ANO2: variants seen among roughly 807,000 people sequenced by gnomAD.
ANO2 encodes anoctamin 2.
A neutral mutation model predicts 124.2 loss-of-function variants in ANO2; 101 were observed. That is an observed-to-expected ratio of 0.81 (90% CI 0.69 to 0.96). ANO2 has a LOEUF of 0.96. ANO2 is among the 40% of genes least tolerant of loss of function. ANO2 has a pLI of 0.00. For missense variants in ANO2, 1,293 were observed against 1,274.5 expected, an observed-to-expected ratio of 1.01 and a Z score of -0.22; for synonymous variants, 486 against 482.5, an observed-to-expected ratio of 1.01 and a Z score of -0.09.
intron 3 of ANO2, among the ~76,000 whole-genome samples, chr12:5,894,810 G>A (rs1368654318): frequency 6.6e-6 from 1 of 152,140 alleles, no homozygotes; most frequent in East Asian, 1.9e-4. Flanking sequence ...TAGATGGGTG[G>A]CGTTATTTCT....
intron 16 of ANO2, among the ~76,000 whole-genome samples, chr12:5,616,634 G>A (rs139278388): frequency 1.2e-4 from 19 of 152,238 alleles, no homozygotes; most frequent in Admixed American, 3.3e-4. Flanking sequence ...GGAGTTCTGC[G>A]TCCAGATGAG....
Position 5,769,805 on chromosome 12 carries a change from C to G in ANO2, c.1056-18835G>C, listed in dbSNP as rs1392514289. On this transcript the variant is annotated intron_variant, in intron 10 of 24. Transcript: ENST00000682330. The surrounding 1 kb of genome is among the most constrained non-coding windows in gnomAD (Gnocchi z 4.0). ...ATCCTCACAAGAATCTAAGTGGATACAGGTGTTTGCAAACAAATGGCTTGT... is the reference window on the plus strand; with the variant it reads ...ATCCTCACAAGAATCTAAGTGGATAGAGGTGTTTGCAAACAAATGGCTTGT... 6.6e-6 allele frequency among the ~76,000 whole-genome samples: 1 copy of G among 152,172 alleles called. No homozygotes were observed. Among genetic ancestry groups the G allele is most frequent in the Non-Finnish European group, 1.5e-5 (1 of 68,040 alleles).
chr12:5,842,883 C>T (rs1039377521), intron 4 of ANO2, among the ~76,000 whole-genome samples: 1 of 152,064 alleles, frequency 6.6e-6, no homozygotes, highest in South Asian at 2.1e-4. Flanking sequence ...ATTATTTTTT[C>T]TTATTTTTGA....
At chr12:5,842,863 G>C (rs552930488) in intron 4 of ANO2, among the ~76,000 whole-genome samples, 1 of 152,178 alleles carries the variant, frequency 6.6e-6, no homozygotes, top group South Asian at 2.1e-4. Flanking sequence ...GCAGCACTTA[G>C]GTACCACCAA....
At chr12:5,937,850 T>C (rs1942719048) in intron 1 of ANO2, among the ~76,000 whole-genome samples, 1 of 152,166 alleles carries the variant, frequency 6.6e-6, no homozygotes, top group Admixed American at 6.5e-5. Flanking sequence ...TCAGGGACCA[T>C]CCAGAGTAAA....
intron 23 of ANO2, among the ~76,000 whole-genome samples, chr12:5,571,506 C>G (rs1267122271): frequency 1.3e-5 from 2 of 152,162 alleles, no homozygotes; most frequent in South Asian, 4.1e-4. Flanking sequence ...ACATTTATCT[C>G]CAGAGGTCAC....
At chr12:5,672,196 C>A (rs936594217) in intron 14 of ANO2, among the ~76,000 whole-genome samples, 41 of 152,312 alleles carry the variant, frequency 2.7e-4, no homozygotes, top group Non-Finnish European at 5.3e-4. Context: ...AAGAGATAAT[C>A]AGCAGAGCAA....
chr12:5,852,054 A>C lies in ANO2; in HGVS notation c.633+1989T>G, dbSNP rs371075558. 4.3e-6 allele frequency: 3 copies of C among 703,100 alleles called. No homozygotes were observed. The African/African-American group carries it at 5.2e-5, about 12-fold the overall frequency. 43.6% of individuals were successfully genotyped at this position (703,100 alleles called of 1,614,324 possible). ...CATTACACATTCAGATAAACCAGAG[A>C]GAAAGGAGAATAATATATTGGAGTT... On this transcript the variant is annotated intron_variant, in intron 4 of 24. Transcript: ENST00000682330.
At chr12:5,744,062 A>T in intron 12 of ANO2, 95 bp downstream of exon 12, 2 of 1,481,474 alleles carry the variant, frequency 1.4e-6, no homozygotes, top group Non-Finnish European at 1.8e-6. Context: ...AAAATGCGAA[A>T]GTAAGTAACC....
intron 1 of ANO2, among the ~76,000 whole-genome samples, chr12:5,926,784 G>A (rs933930713): frequency 6.6e-6 from 1 of 152,200 alleles, no homozygotes; most frequent in African/African-American, 2.4e-5. Flanking sequence ...AGGATTGGGA[G>A]GAGGTGCAGG....
At chr12:5,736,471 A>T (rs1234164575) in intron 13 of ANO2, among the ~76,000 whole-genome samples, 1 of 152,210 alleles carries the variant, frequency 6.6e-6, no homozygotes, top group African/African-American at 2.4e-5. Context: ...ACTCGCAAGC[A>T]TTCCTGATAC....
At chr12:5,785,209 G>C (rs1004896339) in intron 10 of ANO2, among the ~76,000 whole-genome samples, 3 of 152,198 alleles carry the variant, frequency 2.0e-5, no homozygotes, top group African/African-American at 7.2e-5. Context: ...GATTGGTAAA[G>C]ACAGGGGATG....
chr12:5,936,161 C>A (rs550481009), intron 1 of ANO2, among the ~76,000 whole-genome samples: 3 of 152,146 alleles, frequency 2.0e-5, no homozygotes, highest in Admixed American at 1.3e-4. Context: ...ATATGACTCA[C>A]AAATATTTTC....
chr12:5,806,821 G>A (rs1046876271), intron 8 of ANO2, among the ~76,000 whole-genome samples: 6 of 152,038 alleles, frequency 3.9e-5, no homozygotes, highest in African/African-American at 9.7e-5. Flanking sequence ...ATGATCTTTC[G>A]TTAATATGTA....
intron 19 of ANO2, among the ~76,000 whole-genome samples, chr12:5,611,648 C>A (rs1306039838): frequency 1.3e-5 from 2 of 152,194 alleles, no homozygotes; most frequent in African/African-American, 4.8e-5. Flanking sequence ...CCAACTGCTG[C>A]AGCTAAGAAC....
rs186451051 is a variant in ANO2, at chr12:5,737,327, A to G, written c.1434+1990T>C. 9.2e-5 allele frequency among the ~76,000 whole-genome samples: 14 copies of G among 152,304 alleles called. No individual in the cohort carries two copies. The East Asian group carries it at 2.3e-3, about 25-fold the overall frequency. On this transcript the variant is annotated intron_variant, in intron 13 of 24. Transcript: ENST00000682330. ...AGCCAGCACATGAGCTCCTCAAATC[A>G]TGTACCTCCCAGGAAGTTACCATGG...
intron 14 of ANO2, among the ~76,000 whole-genome samples, chr12:5,694,422 C>T (rs997844420): frequency 2.1e-4 from 32 of 152,156 alleles, no homozygotes; most frequent in African/African-American, 7.7e-4. Context: ...TTCAGACCCA[C>T]TAGCGAGTGG....
rs926602563 is a variant in ANO2 at position 5,647,793 on chromosome 12, T to C, written c.1554A>G (p.Glu518=). ...NTTECGDEDD[E]DKLTWKDRFP... ...AACGATCCTTCCAGGTCAGTTTATC[T>C]TCATCATCCTGGGGAGAAACGGGAG... The change falls in exon 15 of 25, where the codon GAA becomes GAG. Residue 518 remains glutamate, a synonymous_variant. Coordinates refer to ENST00000682330, the MANE Select transcript of ANO2 (RefSeq NM_001364791.2). The C allele has an allele frequency of 2.5e-6, 4 of 1,609,040 alleles. No individual in the cohort carries two copies. The highest frequency in any genetic ancestry group is 3.4e-6 in the Non-Finnish European group (4 of 1,177,854).
chr12:5,787,233 A>G lies in ANO2; in HGVS notation c.1055+12274T>C, dbSNP rs1442677095. On this transcript the variant is annotated intron_variant, in intron 10 of 24. Coordinates refer to ENST00000682330, the MANE Select transcript of ANO2 (RefSeq NM_001364791.2). The surrounding 1 kb of genome is among the most constrained non-coding windows in gnomAD (Gnocchi z 4.2). ...AGTGCCCCAGCCAGAAGAACCCCTGATCCTTCAACTGATGACAATGGGCCA... is the reference window on the plus strand; with the variant it reads ...AGTGCCCCAGCCAGAAGAACCCCTGGTCCTTCAACTGATGACAATGGGCCA... Among the ~76,000 whole-genome samples, 1 of 152,146 alleles carries G rather than the reference A, an allele frequency of 6.6e-6. No individual in the cohort carries two copies. Among genetic ancestry groups the G allele is most frequent in the Non-Finnish European group, 1.5e-5 (1 of 68,018 alleles).
Sources: gnomAD v4.1 joint callset for allele counts (sites outside exome capture counted in the v4.1 genomes callset) on GRCh38, gnomAD v4.1.1 for gene constraint, Gnocchi (gnomAD v3.1) non-coding constraint, MANE v1.5 for transcripts, NCBI Gene and HGNC (gene_info 2026-07-23, HGNC 2026-07-21) for gene names.